Variants in CFTR observed in about 807,000 individuals in gnomAD.
CFTR encodes CF transmembrane conductance regulator.
A neutral mutation model predicts 171.6 loss-of-function variants in CFTR; 181 were observed. The ratio of observed to expected loss-of-function variants is 1.05; its 90% CI spans 0.93 to 1.19. The LOEUF is 1.19. CFTR is among the 50% of genes most tolerant of loss of function. The probability of loss-of-function intolerance (pLI) is 0.00; values close to 1 mark genes in which losing one functional copy is unlikely to be tolerated. For missense variants in CFTR, 1,968 were observed against 1,734.7 expected (o/e 1.13, Z -2.39); for synonymous variants, 583 against 608.0 (o/e 0.96, Z 0.60).
chr7:117,490,270 C>T (rs1386446628), intron 1 of CFTR, among the ~76,000 whole-genome samples: 2 of 150,466 alleles, frequency 1.3e-5, no homozygotes, highest in Non-Finnish European at 3.0e-5. Context: ...AGTATTTACT[C>T]TGCATATTAG....
chr7:117,553,198 T>A (rs1799299852), intron 10 of CFTR, among the ~76,000 whole-genome samples: 1 of 150,964 alleles, frequency 6.6e-6, no homozygotes, highest in Non-Finnish European at 1.5e-5. Flanking sequence ...CAGTTCATGG[T>A]ATTTTGTTAT....
intron 15 of CFTR, among the ~76,000 whole-genome samples, chr7:117,600,939 A>G (rs528567266): frequency 6.6e-6 from 1 of 152,144 alleles, no homozygotes; most frequent in South Asian, 2.1e-4. Flanking sequence ...TGTTCTACTC[A>G]ATAGAAGCAG....
intron 1 of CFTR, among the ~76,000 whole-genome samples, chr7:117,503,049 G>A (rs1156962797): frequency 1.3e-5 from 2 of 152,210 alleles, no homozygotes; most frequent in African/African-American, 2.4e-5. Flanking sequence ...GATTGGATAT[G>A]AGGGCCACTG....
intron 11 of CFTR, among the ~76,000 whole-genome samples, chr7:117,575,379 G>T (rs1791755353): frequency 6.6e-6 from 1 of 152,080 alleles, no homozygotes; most frequent in Non-Finnish European, 1.5e-5. Context: ...TTTCATGTTT[G>T]TTAGTCATTC....
At position 117,667,445 on chromosome 7, in the gene CFTR, G is replaced by A; in HGVS notation, c.*337G>A. ...GCTCTAAATGTCAATCAGCCTAGTT[G>A]ATCAGCTTATTGTCTAGTGAAACTC... On this transcript the variant is annotated 3_prime_UTR_variant, in exon 27 of 27. Transcript: ENST00000003084. 1 of 366,754 alleles carries A rather than the reference G, an allele frequency of 2.7e-6. No homozygotes were observed. The highest frequency in any genetic ancestry group is 5.3e-6 in the Non-Finnish European group (1 of 189,222). 22.7% of individuals were successfully genotyped at this position (366,754 alleles called of 1,614,324 possible).
chr7:117,592,547 G>A lies in CFTR; in HGVS notation c.2380G>A (p.Val794Met), dbSNP rs1457489949. ...AAAGACAACAGCATCCACACGAAAAGTGTCACTGGCCCCTCAGGCAAACTT... is the reference window on the plus strand; with the variant it reads ...AAAGACAACAGCATCCACACGAAAAATGTCACTGGCCCCTCAGGCAAACTT... ...HRKTTASTRK[V>M]SLAPQANLTE... The change falls in exon 14 of 27, where the codon GTG becomes ATG. Residue 794 changes from valine (V) to methionine (M), a missense_variant. By Grantham distance (21) the Val-to-Met change is conservative. Coordinates refer to ENST00000003084, the MANE Select transcript of CFTR (RefSeq NM_000492.4). 6.6e-7 allele frequency: 1 copy of A among 1,521,386 alleles called. No individual in the cohort carries two copies. The highest frequency in any genetic ancestry group is 1.4e-5 in the African/African-American group (1 of 71,850). The allele number at this position is 1,521,386 out of a possible 1,614,324, so 94.2% of individuals were successfully genotyped here.
chr7:117,573,409 C>G (rs551174518), intron 11 of CFTR, among the ~76,000 whole-genome samples: 14 of 152,236 alleles, frequency 9.2e-5, no homozygotes, highest in African/African-American at 2.9e-4. Context: ...TACACAGAAT[C>G]CTTTGAAGCT....
At chr7:117,586,980 A>G (rs1223126834) in intron 11 of CFTR, among the ~76,000 whole-genome samples, 1 of 152,212 alleles carries the variant, frequency 6.6e-6, no homozygotes, top group African/African-American at 2.4e-5. Context: ...GATAGTATTT[A>G]GCTTTCTCCA....
Position 117,665,550 on chromosome 7 carries a change from T to A in CFTR, c.4228T>A (p.Cys1410Ser), listed in dbSNP as rs1562929177. 1 of 1,610,378 alleles carries A rather than the reference T, an allele frequency of 6.2e-7. No individual in the cohort carries two copies. ...CEHRIEAMLECQQFLVIEENK... is the reference protein window; with the variant it reads ...CEHRIEAMLESQQFLVIEENK... ...ACACAGGATAGAAGCAATGCTGGAA[T>A]GCCAACAATTTTTGGTGAGTCTTTA... Residue 1410 changes from cysteine to serine, a missense_variant, in exon 26 of 27, where the codon TGC (cysteine) becomes AGC (serine). By Grantham distance (112) the Cys-to-Ser change is moderately radical. Coordinates refer to ENST00000003084, the MANE Select transcript of CFTR (RefSeq NM_000492.4).
intron 15 of CFTR, among the ~76,000 whole-genome samples, chr7:117,599,732 T>A (rs1384856410): frequency 6.6e-6 from 1 of 152,146 alleles, no homozygotes; most frequent in African/African-American, 2.4e-5. Context: ...ATTATACAAC[T>A]AAACAATTCA....
At chr7:117,502,973 G>A (rs1228553474) in intron 1 of CFTR, among the ~76,000 whole-genome samples, 1 of 152,148 alleles carries the variant, frequency 6.6e-6, no homozygotes, top group Non-Finnish European at 1.5e-5. Context: ...AGAACCCAGG[G>A]CAGGTGCCTA....
chr7:117,555,619 C>T (rs1276918279), intron 10 of CFTR, among the ~76,000 whole-genome samples: 3 of 152,070 alleles, frequency 2.0e-5, no homozygotes, highest in Non-Finnish European at 4.4e-5. Context: ...TAGTGATGCA[C>T]GGAAAAGTTG....
intron 21 of CFTR, among the ~76,000 whole-genome samples, chr7:117,619,074 T>C (rs1184097381): frequency 6.6e-6 from 1 of 152,178 alleles, no homozygotes; most frequent in Non-Finnish European, 1.5e-5. Context: ...AAAAGAAAAG[T>C]GTTAATTTTT....
At chr7:117,589,772 TG>T (rs1296358106) in intron 12 of CFTR, among the ~76,000 whole-genome samples, 1 of 152,040 alleles carries the variant, frequency 6.6e-6, no homozygotes, top group African/African-American at 2.4e-5. Flanking sequence ...GCTATCAATT[TG>T]TTGATAGTGG....
chr7:117,524,392 G>GA (rs541815578), intron 3 of CFTR, among the ~76,000 whole-genome samples: 2,593 of 112,832 alleles, frequency 0.023, 59 homozygotes, highest in African/African-American at 0.065. Flanking sequence ...CACTAGTCAT[G>GA]AAAAAAAAAA....
intron 1 of CFTR, among the ~76,000 whole-genome samples, chr7:117,500,889 T>A (rs1354212840): frequency 3.9e-5 from 6 of 152,186 alleles, no homozygotes; most frequent in Admixed American, 3.3e-4. Context: ...AAACGATGTG[T>A]CATGGTGTAA....
chr7:117,508,556 A>G, intron 2 of CFTR, among the ~76,000 whole-genome samples: 1 of 152,250 alleles, frequency 6.6e-6, no homozygotes, highest in East Asian at 1.9e-4. Context: ...CTCATGTTAA[A>G]TCACAGAAAA....
At chr7:117,602,163 G>A (rs1196505641) in intron 15 of CFTR, among the ~76,000 whole-genome samples, 4 of 152,186 alleles carry the variant, frequency 2.6e-5, no homozygotes, top group Non-Finnish European at 5.9e-5. Context: ...CACCTGAGTA[G>A]TTGGGATCAC....
chr7:117,564,393 G>A (rs1018554205), intron 11 of CFTR: 3 of 152,190 alleles, frequency 2.0e-5, no homozygotes, highest in African/African-American at 7.2e-5. Flanking sequence ...TGTTAAATAA[G>A]TGTTCTCACC....
Sources: allele counts gnomAD v4.1 joint callset (sites outside exome capture counted in the v4.1 genomes callset), GRCh38; gene constraint gnomAD v4.1.1; transcripts MANE v1.5; gene names NCBI Gene and HGNC (gene_info 2026-07-23, HGNC 2026-07-21).